Variants in UBE2Q2 observed in about 807,000 individuals in gnomAD.
UBE2Q2 encodes the protein ubiquitin conjugating enzyme E2 Q2, also known as ubiquitin-conjugating enzyme E2 Q2.
A neutral mutation model predicts 59.9 loss-of-function variants in UBE2Q2; 54 were observed. That is an observed-to-expected ratio of 0.90 (90% confidence interval 0.72 to 1.13). The LOEUF (loss-of-function observed/expected upper bound fraction) is 1.13. Ranked by LOEUF, UBE2Q2 falls within the 50% of genes most tolerant of loss-of-function variation. The pLI is 0.00. For synonymous variants in UBE2Q2, 165 were observed against 155.2 expected, an observed-to-expected ratio of 1.06 and a Z score of -0.47; for missense variants, 433 against 441.9, an observed-to-expected ratio of 0.98 and a Z score of 0.18.
chr15:75,860,028 C>A, intron 3 of UBE2Q2, 46 bp downstream of exon 3: 1 of 1,352,620 alleles, frequency 7.4e-7, no homozygotes, highest in South Asian at 1.4e-5. Flanking sequence ...TAAATTGTCT[C>A]AAGCAAAAGT....
chr15:75,873,222 G>C (rs1897889749), intron 4 of UBE2Q2, among the ~76,000 whole-genome samples: 1 of 152,154 alleles, frequency 6.6e-6, no homozygotes, highest in Admixed American at 6.5e-5. Flanking sequence ...GCTTTACCCA[G>C]AGTCTAGATT....
intron 1 of UBE2Q2, among the ~76,000 whole-genome samples, chr15:75,850,689 C>A (rs1896591085): frequency 1.3e-5 from 2 of 152,140 alleles, no homozygotes; most frequent in South Asian, 4.1e-4. Context: ...AGGGATGTTT[C>A]TTCCAAGGAA....
chr15:75,878,346 C>G (rs1898197622), intron 7 of UBE2Q2: 1 of 205,912 alleles, frequency 4.9e-6, no homozygotes, highest in Admixed American at 5.9e-5. Context: ...ATATACAGCA[C>G]TTTGGGAGAC....
rs559042018 is a variant in UBE2Q2, at chr15:75,854,375, G to T, written c.181-11G>T. The T allele has an allele frequency of 3.2e-5, 51 of 1,600,900 alleles. No individual in the cohort carries two copies. The highest frequency in any genetic ancestry group is 3.3e-4 in the Middle Eastern group (2 of 6,028). On this transcript the variant is annotated splice_polypyrimidine_tract_variant and intron_variant, in intron 1 of 12. Coordinates refer to ENST00000267938, the MANE Select transcript of UBE2Q2 (RefSeq NM_173469.4). ...ATGTAAATGTTTAACATGTGTCTCT[G>T]TGTTAAACAGGAATCCTATCCATCT...
Position 75,899,516 on chromosome 15 carries a change from T to C in UBE2Q2, c.*58T>C. On this transcript the variant is annotated 3_prime_UTR_variant, in exon 13 of 13. Transcript: ENST00000267938. The stretch of plus-strand genomic sequence containing the variant: ...TGCTTTAAAGAAAATCTTTCTAACA[T>C]GCAGACAAAAGCTTTGAGTGCCCCT... The C allele has an allele frequency of 6.9e-7, 1 of 1,458,630 alleles. No individual in the cohort carries two copies. The highest frequency in any genetic ancestry group is 1.2e-5 in the South Asian group (1 of 80,514). 90.4% of individuals were successfully genotyped at this position (1,458,630 alleles called of 1,614,324 possible).
At chr15:75,880,575 C>G (rs1333375310) in intron 8 of UBE2Q2, among the ~76,000 whole-genome samples, 2 of 151,592 alleles carry the variant, frequency 1.3e-5, no homozygotes, top group Non-Finnish European at 2.9e-5. Context: ...AATCTTGGCT[C>G]ACTGCAACCT....
At chr15:75,862,939 T>C (rs1264235289) in intron 3 of UBE2Q2, among the ~76,000 whole-genome samples, 1 of 152,094 alleles carries the variant, frequency 6.6e-6, no homozygotes, top group African/African-American at 2.4e-5. Flanking sequence ...CCCTCTATCT[T>C]ATCTCCTGGT....
chr15:75,872,237 A>T (rs1897834052), intron 4 of UBE2Q2, among the ~76,000 whole-genome samples: 1 of 152,130 alleles, frequency 6.6e-6, no homozygotes, highest in East Asian at 1.9e-4. Context: ...CAAAAAATAA[A>T]AAAATAAACC....
At chr15:75,876,571 G>A (rs918658864) in intron 6 of UBE2Q2, among the ~76,000 whole-genome samples, 6 of 152,132 alleles carry the variant, frequency 3.9e-5, no homozygotes, top group Non-Finnish European at 8.8e-5. Flanking sequence ...GAGCGATATT[G>A]CTTGGAAAGT....
chr15:75,868,548 A>G (rs1897624788), intron 3 of UBE2Q2, among the ~76,000 whole-genome samples: 1 of 152,214 alleles, frequency 6.6e-6, no homozygotes, highest in Non-Finnish European at 1.5e-5. Flanking sequence ...AGGCTTTCCA[A>G]AGTTAAAAAG....
At chr15:75,888,251 C>T (rs1433584058) in intron 9 of UBE2Q2, among the ~76,000 whole-genome samples, 2 of 152,124 alleles carry the variant, frequency 1.3e-5, no homozygotes, top group Non-Finnish European at 2.9e-5. Flanking sequence ...CTCCCTGTAC[C>T]CGTTTCCCCC....
chr15:75,899,351 G>C (rs1899627693), intron 12 of UBE2Q2, 76 bp from the exon 13 acceptor site: 1 of 996,730 alleles, frequency 1.0e-6, no homozygotes, highest in African/African-American at 1.7e-5. Flanking sequence ...AGAGACTGTA[G>C]CTAACCTTAT....
intron 6 of UBE2Q2, among the ~76,000 whole-genome samples, 192 bp from the exon 7 acceptor site, chr15:75,877,769 T>C (rs990435466): frequency 6.6e-6 from 1 of 152,230 alleles, no homozygotes; most frequent in African/African-American, 2.4e-5. Context: ...TCTCAGTTGA[T>C]GGCTGTAATT....
At chr15:75,881,102 T>G (rs1898389566) in intron 8 of UBE2Q2, among the ~76,000 whole-genome samples, 1 of 152,066 alleles carries the variant, frequency 6.6e-6, no homozygotes, top group South Asian at 2.1e-4. Context: ...TTTTTACTAA[T>G]TCATATGGGG....
At chr15:75,898,576 T>C (rs1053874672) in intron 12 of UBE2Q2, among the ~76,000 whole-genome samples, 3 of 152,208 alleles carry the variant, frequency 2.0e-5, no homozygotes. Flanking sequence ...AGTCACCATG[T>C]TGTACAATAG....
rs575662466 is a variant in UBE2Q2 at position 75,861,074 on chromosome 15, C to T, written c.387+1092C>T. 9.9e-5 allele frequency among the ~76,000 whole-genome samples: 15 copies of T among 152,250 alleles called. 1 individual carries two copies. In the East Asian group the frequency reaches 2.9e-3, roughly 29 times the overall value. On this transcript the variant is annotated intron_variant, in intron 3 of 12. Coordinates refer to ENST00000267938, the MANE Select transcript of UBE2Q2 (RefSeq NM_173469.4). The stretch of plus-strand genomic sequence containing the variant: ...GCTCTATGCATCAATTTTCCATTGG[C>T]AAAATGGGGGAACCAGTAATAATAT...
In UBE2Q2 at chr15:75,883,507, G is replaced by T. The variant is rs556589731; in HGVS notation, c.884+83G>T. The T allele has an allele frequency of 8.1e-6, 8 of 989,822 alleles. No homozygotes were observed. The East Asian group carries it at 1.6e-4, about 20-fold the overall frequency. 61.3% of individuals were successfully genotyped at this position (989,822 alleles called of 1,614,324 possible). The stretch of plus-strand genomic sequence containing the variant: ...TATAGGGACGAGATCTCACTATGTT[G>T]CCCTGGCTGGTCTTGAATTCCTGGG... On this transcript the variant is annotated intron_variant, in intron 9 of 12. Transcript: ENST00000267938.
intron 3 of UBE2Q2, among the ~76,000 whole-genome samples, 153 bp downstream of exon 3, chr15:75,860,135 A>G (rs1407177828): frequency 1.3e-5 from 2 of 152,238 alleles, no homozygotes; most frequent in Non-Finnish European, 2.9e-5. Context: ...TGTTTTAGGT[A>G]CTAAAAATAA....
intron 10 of UBE2Q2, 122 bp from the exon 11 acceptor site, chr15:75,890,797 C>A: frequency 2.4e-6 from 2 of 842,266 alleles, no homozygotes; most frequent in Non-Finnish European, 1.9e-6. Context: ...TACTTTTTCC[C>A]CTTGACTACA....
Sources: gnomAD v4.1 joint callset for allele counts (sites outside exome capture counted in the v4.1 genomes callset) on GRCh38, gnomAD v4.1.1 for gene constraint, MANE v1.5 for transcripts, NCBI Gene and HGNC (gene_info 2026-07-23, HGNC 2026-07-21) for gene names.